The following WDFY1 variants were observed in gnomAD, a reference collection of about 807,000 sequenced individuals.
WDFY1 encodes the protein WD repeat and FYVE domain containing 1, also known as WD repeat and FYVE domain-containing protein 1.
In WDFY1, 32 loss-of-function variants were observed where a neutral mutation model predicts 56.4. That is an observed-to-expected ratio of 0.57 (90% CI 0.43 to 0.76). The LOEUF (loss-of-function observed/expected upper bound fraction) is 0.76, where lower values mean the gene tolerates loss of function less well. WDFY1 is among the 30% of genes least tolerant of loss of function. The pLI, the probability that WDFY1 is intolerant of heterozygous loss-of-function variation, is 0.00. For missense variants in WDFY1, 480 were observed against 545.7 expected (o/e 0.88, Z 1.20); for synonymous variants, 192 against 197.3 (o/e 0.97, Z 0.23).
intron 7 of WDFY1, among the ~76,000 whole-genome samples, chr2:223,895,071 A>G (rs765387418): frequency 6.6e-6 from 1 of 152,216 alleles, no homozygotes; most frequent in Admixed American, 6.5e-5. Context: ...TTAATTTAAT[A>G]TCTTTTAGAA....
chr2:223,934,086 T>C (rs951321793), intron 1 of WDFY1, among the ~76,000 whole-genome samples: 73 of 6,140 alleles, frequency 0.012, 1 homozygote, highest in South Asian at 0.072. Flanking sequence ...CTTTTCTTTT[T>C]TTTTTTTTTT....
chr2:223,879,057 C>G (rs1275192882), intron 11 of WDFY1, among the ~76,000 whole-genome samples: 1 of 152,112 alleles, frequency 6.6e-6, no homozygotes, highest in Non-Finnish European at 1.5e-5. Flanking sequence ...TGTGGTGGCA[C>G]ATGCCTGTGG....
At chr2:223,931,853 T>G (rs1050289879) in intron 1 of WDFY1, among the ~76,000 whole-genome samples, 1 of 151,988 alleles carries the variant, frequency 6.6e-6, no homozygotes, top group Non-Finnish European at 1.5e-5. Context: ...ACCCAGCTAA[T>G]TTTTGTATTT....
At chr2:223,897,823 G>T (rs1047582600) in intron 6 of WDFY1, among the ~76,000 whole-genome samples, 2 of 151,902 alleles carry the variant, frequency 1.3e-5, no homozygotes, top group Non-Finnish European at 2.9e-5. Context: ...CTTGAGATAT[G>T]GTTGTTTAAA....
In WDFY1 at chr2:223,878,627, G is replaced by A. The variant is rs1693010951; in HGVS notation, c.*44C>T. 5 of 1,484,372 alleles carry A rather than the reference G, an allele frequency of 3.4e-6. No homozygotes were observed. Among genetic ancestry groups the A allele is most frequent in the Non-Finnish European group, 4.7e-6 (5 of 1,063,636 alleles). The allele number at this position is 1,484,372 out of a possible 1,614,324, so 92.0% of individuals were successfully genotyped here. On this transcript the variant is annotated 3_prime_UTR_variant, in exon 12 of 12. Transcript: ENST00000233055. Reference sequence around the variant, plus strand: ...AGCTGCGTGAGAGGGACTTCATTTGGTGGAGCTGCTGTTCTTAGGTGTGGA... The same window carrying A: ...AGCTGCGTGAGAGGGACTTCATTTGATGGAGCTGCTGTTCTTAGGTGTGGA...
intron 1 of WDFY1, among the ~76,000 whole-genome samples, chr2:223,941,290 A>C (rs1022928869): frequency 1.3e-5 from 2 of 151,962 alleles, no homozygotes; most frequent in Non-Finnish European, 2.9e-5. Flanking sequence ...TTAAAAAACA[A>C]AACAAAACCG....
In WDFY1 at chr2:223,879,296, A is replaced by T. The variant is rs77123724; in HGVS notation, c.1174-566T>A. Reference sequence around the variant, plus strand: ...AATTAAATCATAATAATGTTTTAGTATAAATTCAATTTTTTTTTTAGAAAA... The same window carrying T: ...AATTAAATCATAATAATGTTTTAGTTTAAATTCAATTTTTTTTTTAGAAAA... On this transcript the variant is annotated intron_variant, in intron 11 of 11. Transcript: ENST00000233055. Among the ~76,000 whole-genome samples the T allele has an allele frequency of 2.5e-3, 376 of 152,360 alleles. 4 individuals carry two copies. The highest frequency in any genetic ancestry group is 8.4e-3 in the African/African-American group (349 of 41,600).
intron 1 of WDFY1, among the ~76,000 whole-genome samples, chr2:223,921,459 G>GA (rs201149852): frequency 3.8e-4 from 57 of 148,812 alleles, no homozygotes; most frequent in Admixed American, 3.6e-3. Flanking sequence ...ATTTGCAAGG[G>GA]AAAAAAAAAT....
intron 2 of WDFY1, among the ~76,000 whole-genome samples, chr2:223,912,660 CAGG>C (rs552844540): frequency 1.3e-5 from 2 of 152,272 alleles, no homozygotes; most frequent in African/African-American, 4.8e-5. Context: ...CCCAAAAGCT[CAGG>C]AGGTCATCCC....
rs770951254 is a variant in WDFY1 at position 223,878,638 on chromosome 2, G to C, written c.*33C>G. 2 of 1,558,176 alleles carry C rather than the reference G, an allele frequency of 1.3e-6. No homozygotes were observed. The highest frequency in any genetic ancestry group is 2.7e-5 in the African/African-American group (2 of 73,676). ...AGGGACTTCATTTGGTGGAGCTGCT[G>C]TTCTTAGGTGTGGACGCCGCCCAGC... On this transcript the variant is annotated 3_prime_UTR_variant, in exon 12 of 12. Transcript: ENST00000233055.
At chr2:223,891,388 A>AAAAAAAAAAAAAAAG in intron 8 of WDFY1, among the ~76,000 whole-genome samples, 1 of 149,670 alleles carries the variant, frequency 6.7e-6, no homozygotes, top group African/African-American at 2.4e-5. Flanking sequence ...GTCTCAAAAA[A>AAAAAAAAAAAAAAAG]AAAAAAAGCC....
intron 2 of WDFY1, among the ~76,000 whole-genome samples, chr2:223,917,222 G>T (rs1693803296): frequency 6.6e-6 from 1 of 152,152 alleles, no homozygotes; most frequent in Non-Finnish European, 1.5e-5. Context: ...TTGTACCTTG[G>T]ACCATGTCTC....
rs144249023 is a variant in WDFY1, at chr2:223,937,843, T to C, written c.137+7305A>G. 7.2e-5 allele frequency among the ~76,000 whole-genome samples: 11 copies of C among 152,340 alleles called. No homozygotes were observed. In the East Asian group the frequency reaches 2.1e-3, roughly 29 times the overall value. ...GACAATGAAAATACAGCAGTTAACATCCTGGTTTTCTGTATTAACTAATGA... is the reference window on the plus strand; with the variant it reads ...GACAATGAAAATACAGCAGTTAACACCCTGGTTTTCTGTATTAACTAATGA... On this transcript the variant is annotated intron_variant, in intron 1 of 11. Coordinates refer to ENST00000233055, the MANE Select transcript of WDFY1 (RefSeq NM_020830.5).
rs1324873152 is a variant in WDFY1 at position 223,912,430 on chromosome 2, A to G, written c.206-104T>C. 4.7e-6 allele frequency: 4 copies of G among 853,518 alleles called. No homozygotes were observed. The African/African-American group carries it at 5.3e-5, about 11-fold the overall frequency. 52.9% of individuals were successfully genotyped at this position (853,518 alleles called of 1,614,324 possible). A position where few individuals can be genotyped will look rare whatever the true frequency, so the allele number is the denominator to read the frequency against. On this transcript the variant is annotated intron_variant, in intron 2 of 11. Coordinates refer to ENST00000233055, the MANE Select transcript of WDFY1 (RefSeq NM_020830.5). ...GATAAGAACTATATAATTTAGGTTC[A>G]CAGAAAGAGGGTAAAAACGTTTTAT...
intron 5 of WDFY1, among the ~76,000 whole-genome samples, chr2:223,900,171 A>G (rs986398832): frequency 1.3e-5 from 2 of 152,240 alleles, no homozygotes; most frequent in African/African-American, 4.8e-5. Flanking sequence ...ACACGGGTCA[A>G]AAAGAGCACC....
chr2:223,879,663 A>C (rs1574754840), intron 11 of WDFY1, among the ~76,000 whole-genome samples: 1 of 152,144 alleles, frequency 6.6e-6, no homozygotes, highest in South Asian at 2.1e-4. Context: ...CATCTCAAAA[A>C]AAAAAAAGAG....
At chr2:223,939,419 T>C (rs1249319480) in intron 1 of WDFY1, among the ~76,000 whole-genome samples, 2 of 152,228 alleles carry the variant, frequency 1.3e-5, no homozygotes, top group Admixed American at 6.5e-5. Context: ...CCCTACCCTC[T>C]ACCTAGATGC....
chr2:223,889,926 T>C (rs1231849865), intron 8 of WDFY1, among the ~76,000 whole-genome samples: 1 of 152,198 alleles, frequency 6.6e-6, no homozygotes, highest in Non-Finnish European at 1.5e-5. Context: ...CGAGCAACAC[T>C]ATCCCTATTT....
chr2:223,899,178 TTTTAAAGAGA>T, intron 5 of WDFY1, 108 bp from the exon 6 acceptor site: 2 of 833,830 alleles, frequency 2.4e-6, no homozygotes, highest in Non-Finnish European at 4.0e-6. Flanking sequence ...AAAACATGCA[TTTTAAAGAGA>T]ATAAGCATAC....
Sources: gnomAD v4.1 joint callset for allele counts (sites outside exome capture counted in the v4.1 genomes callset) on GRCh38, gnomAD v4.1.1 for gene constraint, MANE v1.5 for transcripts, NCBI Gene and HGNC (gene_info 2026-07-23, HGNC 2026-07-21) for gene names.